Variants in DENND6B observed in about 807,000 individuals in gnomAD.
The protein encoded by DENND6B is DENN domain containing 6B, also known as protein DENND6B.
In DENND6B, 73 loss-of-function variants were observed where a neutral mutation model predicts 85.1. The ratio of observed to expected loss-of-function variants is 0.86; its 90% CI spans 0.71 to 1.04. The LOEUF (loss-of-function observed/expected upper bound fraction) is 1.04. Ranked by LOEUF, DENND6B falls within the 50% of genes least tolerant of loss-of-function variation. The pLI, the probability that DENND6B is intolerant of heterozygous loss-of-function variation, is 0.00. For synonymous variants in DENND6B, 357 were observed against 329.3 expected (o/e 1.08, Z -0.91); for missense variants, 715 against 785.8 (o/e 0.91, Z 1.08).
chr22:50,321,434 C>T (rs182055108), intron 1 of DENND6B, among the ~76,000 whole-genome samples: 17 of 152,258 alleles, frequency 1.1e-4, no homozygotes, highest in Admixed American at 9.2e-4. Flanking sequence ...GATCTCAGCT[C>T]ACTGCAAACG....
At chr22:50,313,962 G>C in intron 13 of DENND6B, 84 bp from the exon 14 acceptor site, 2 of 1,470,300 alleles carry the variant, frequency 1.4e-6, no homozygotes, top group Non-Finnish European at 1.8e-6. Context: ...GCCAGGGTGG[G>C]GGTCTCATCT....
At chr22:50,314,056 G>T (rs1487773524) in intron 13 of DENND6B, 151 bp downstream of exon 13, 2 of 1,273,488 alleles carry the variant, frequency 1.6e-6, no homozygotes, top group African/African-American at 3.0e-5. Flanking sequence ...AGAGAAGAGA[G>T]CGACCCCTCC....
rs371143305 is a variant in DENND6B at position 50,314,349 on chromosome 22, A to G, written c.1072+51T>C. 59 of 1,577,920 alleles carry G rather than the reference A, an allele frequency of 3.7e-5. No homozygotes were observed. In the African/African-American group the frequency reaches 7.3e-4, roughly 19 times the overall value. On this transcript the variant is annotated intron_variant, in intron 12 of 19. Coordinates refer to ENST00000413817, the MANE Select transcript of DENND6B (RefSeq NM_001001794.4). The stretch of plus-strand genomic sequence containing the variant: ...CCCACGGGCTCTGAGGCGGCCCCAC[A>G]CTCAACGAGGCTTCTGAGCAGCACC...
chr22:50,315,071 G>C (rs976282994), intron 9 of DENND6B, 150 bp from the exon 10 acceptor site: 1 of 1,171,084 alleles, frequency 8.5e-7, no homozygotes. Flanking sequence ...CTGAAGATGT[G>C]TCTCGGGTAA....
rs751708971 is a variant in DENND6B, at chr22:50,314,288, G to A, written c.1073-16C>T. 1.7e-5 allele frequency: 27 copies of A among 1,607,284 alleles called. No homozygotes were observed. The highest frequency in any genetic ancestry group is 3.4e-5 in the Admixed American group (2 of 59,688). ...GGCAGGTCTCCTACGAGACACGCCC[G>A]GTGGCCAGGCCTCAGTGCCCGCAGC... On this transcript the variant is annotated splice_polypyrimidine_tract_variant and intron_variant, in intron 12 of 19. Transcript: ENST00000413817.
intron 17 of DENND6B, 89 bp from the exon 18 acceptor site, chr22:50,312,714 C>G (rs1372321714): frequency 2.1e-6 from 1 of 468,246 alleles, no homozygotes; most frequent in Non-Finnish European, 3.6e-6. Flanking sequence ...GATTGACAGG[C>G]GGGGGGCCAT....
rs1481774207 is a variant in DENND6B at position 50,309,594 on chromosome 22, G to A, written c.*2545C>T. On this transcript the variant is annotated 3_prime_UTR_variant, in exon 20 of 20. Coordinates refer to ENST00000413817, the MANE Select transcript of DENND6B (RefSeq NM_001001794.4). ...GTGGGGACAGGCCCTGAGGAAGAGGGGCTGGGACACTACCCCCCACCTTAG... is the reference window on the plus strand; with the variant it reads ...GTGGGGACAGGCCCTGAGGAAGAGGAGCTGGGACACTACCCCCCACCTTAG... 2 of 152,316 alleles carry A rather than the reference G, an allele frequency of 1.3e-5. No homozygotes were observed. Among genetic ancestry groups the A allele is most frequent in the East Asian group, 1.9e-4 (1 of 5,186 alleles). The allele number at this position is 152,316 out of a possible 1,614,324, so 9.4% of individuals were successfully genotyped here. A position where few individuals can be genotyped will look rare whatever the true frequency, so the allele number is the denominator to read the frequency against.
intron 6 of DENND6B, 31 bp downstream of exon 6, chr22:50,316,339 A>G (rs769677718): frequency 3.8e-6 from 6 of 1,562,952 alleles, no homozygotes; most frequent in Non-Finnish European, 5.2e-6. Context: ...GGATGATGAG[A>G]CCACGATGGC....
At position 50,314,480 on chromosome 22, in the gene DENND6B, A is replaced by C. The variant is rs2147769843; in HGVS notation, c.992T>G (p.Leu331Arg). Residue 331 changes from leucine to arginine, a missense_variant, in exon 12 of 20, where the codon CTG becomes CGG. Coordinates refer to ENST00000413817, the MANE Select transcript of DENND6B (RefSeq NM_001001794.4). Reference sequence around the variant, plus strand: ...GATAAAGAAAGGGTTTGTGACTCCCAGGACCACGTTTGGTCTAGACAGACA... The same window carrying C: ...GATAAAGAAAGGGTTTGTGACTCCCCGGACCACGTTTGGTCTAGACAGACA... The part of the protein sequence containing the change: ...TRTQAPPNVV[L>R]GVTNPFFIKT... 1 of 1,561,096 alleles carries C rather than the reference A, an allele frequency of 6.4e-7. No homozygotes were observed. Among genetic ancestry groups the C allele is most frequent in the Non-Finnish European group, 8.7e-7 (1 of 1,151,776 alleles).
chr22:50,313,551 C>CA, intron 15 of DENND6B, 52 bp from the exon 16 acceptor site: 2 of 1,455,562 alleles, frequency 1.4e-6, no homozygotes, highest in Non-Finnish European at 9.1e-7. Flanking sequence ...CCCCCAGCCC[C>CA]ATCCCCCGCA....
intron 1 of DENND6B, among the ~76,000 whole-genome samples, chr22:50,320,986 G>C (rs1166849619): frequency 1.3e-5 from 2 of 152,210 alleles, no homozygotes; most frequent in African/African-American, 4.8e-5. Flanking sequence ...CCACGCCAAG[G>C]TTAAGGGGAC....
intron 1 of DENND6B, among the ~76,000 whole-genome samples, chr22:50,323,166 T>C (rs1381727629): frequency 6.7e-6 from 1 of 149,264 alleles, no homozygotes; most frequent in African/African-American, 2.5e-5. Flanking sequence ...CACGCCCGGC[T>C]TGTTTTTTGT....
chr22:50,312,291 G>A lies in DENND6B; in HGVS notation c.1636-30C>T, dbSNP rs201698952. 3,126 of 1,611,134 alleles carry A rather than the reference G, an allele frequency of 1.9e-3. 8 individuals carry two copies. Among genetic ancestry groups the A allele is most frequent in the Admixed American group, 2.9e-3 (175 of 59,780 alleles). On this transcript the variant is annotated intron_variant, in intron 19 of 19. Transcript: ENST00000413817. ...AGGGGCAGCCATGGTCAGGGCAGGCGCAGCTCCGTGCCAGGCTGGTGGCGC... is the reference window on the plus strand; with the variant it reads ...AGGGGCAGCCATGGTCAGGGCAGGCACAGCTCCGTGCCAGGCTGGTGGCGC...
At chr22:50,322,083 T>TTA (rs2147789365) in intron 1 of DENND6B, among the ~76,000 whole-genome samples, 1 of 151,388 alleles carries the variant, frequency 6.6e-6, no homozygotes, top group Admixed American at 6.6e-5. Flanking sequence ...CAATAATTTT[T>TTA]TTTTTTTTTG....
At chr22:50,319,441 T>TTGCCCAGACTGCAGTTGGGCCCCCC (rs2041970682) in intron 1 of DENND6B, 1 of 985,258 alleles carries the variant, frequency 1.0e-6, no homozygotes, top group Admixed American at 6.1e-5. Flanking sequence ...CAACCACCTC[T>TTGCCCAGACTGCAGTTGGGCCCCCC]TGCCCAGACT....
In DENND6B at chr22:50,319,122, G is replaced by C. The variant is rs373987549; in HGVS notation, c.178-119C>G. The C allele has an allele frequency of 1.6e-5, 25 of 1,539,560 alleles. No homozygotes were observed. In the African/African-American group the frequency reaches 1.6e-4, roughly 10 times the overall value. On this transcript the variant is annotated intron_variant, in intron 1 of 19. Transcript: ENST00000413817. Reference sequence around the variant, plus strand: ...TGCAGCATCTGTCTGTGGGGCGCAGGTCAGTGCCCAAGGTGCTGGCTCGCC... The same window carrying C: ...TGCAGCATCTGTCTGTGGGGCGCAGCTCAGTGCCCAAGGTGCTGGCTCGCC...
Position 50,314,804 on chromosome 22 carries a change from C to A in DENND6B, c.876G>T (p.Leu292Phe). ...GGACCGGGCCAAGGCGATACCTGGT[C>A]AAGGCCAGCACCATCTCCGAGGACA... ...PDVSSEMVLALTSCLQPLRFC... is the reference protein window; with the variant it reads ...PDVSSEMVLAFTSCLQPLRFC... Residue 292 changes from leucine to phenylalanine, a missense_variant, in exon 10 of 20, where the codon TTG (leucine) becomes TTT (phenylalanine). By Grantham distance (22) the Leu-to-Phe change is conservative. Coordinates refer to ENST00000413817, the MANE Select transcript of DENND6B (RefSeq NM_001001794.4). The A allele has an allele frequency of 6.2e-7, 1 of 1,606,186 alleles. No individual in the cohort carries two copies. The highest frequency in any genetic ancestry group is 1.1e-5 in the South Asian group (1 of 89,644).
At chr22:50,325,984 A>G (rs1237407186) in intron 1 of DENND6B, among the ~76,000 whole-genome samples, 2 of 152,230 alleles carry the variant, frequency 1.3e-5, no homozygotes, top group African/African-American at 4.8e-5. Context: ...TAGAGAGCTC[A>G]CTACCCCTCA....
chr22:50,325,397 G>C (rs1180734055), intron 1 of DENND6B, among the ~76,000 whole-genome samples: 5 of 147,642 alleles, frequency 3.4e-5, no homozygotes, highest in African/African-American at 1.3e-4. Context: ...GAGCGCAATG[G>C]TGCAATCTCT....
Sources: allele counts gnomAD v4.1 joint callset (sites outside exome capture counted in the v4.1 genomes callset), GRCh38; gene constraint gnomAD v4.1.1; transcripts MANE v1.5; gene names NCBI Gene and HGNC (gene_info 2026-07-23, HGNC 2026-07-21).